Variants in SPECC1 observed in about 807,000 individuals in gnomAD.
SPECC1 encodes the protein sperm antigen with calponin homology and coiled-coil domains 1, also known as cytospin-B.
A neutral mutation model predicts 104.1 loss-of-function variants in SPECC1; 62 were observed. That is an observed-to-expected ratio of 0.60 (90% CI 0.49 to 0.74). The LOEUF is 0.74. Ranked by LOEUF, SPECC1 falls within the 30% of genes least tolerant of loss-of-function variation. The pLI, the probability that SPECC1 is intolerant of heterozygous loss-of-function variation, is 0.00. For missense variants in SPECC1, 1,306 were observed against 1,310.5 expected (o/e 1.00, Z 0.05); for synonymous variants, 513 against 501.6 (o/e 1.02, Z -0.30).
intron 12 of SPECC1, among the ~76,000 whole-genome samples, chr17:20,288,864 A>G (rs1199331731): frequency 7.1e-6 from 1 of 141,344 alleles, no homozygotes; most frequent in East Asian, 2.1e-4. Context: ...GCTAACTGCA[A>G]CCTCCGCCCC....
intron 1 of SPECC1, among the ~76,000 whole-genome samples, chr17:20,082,121 C>T (rs1286094529): frequency 2.0e-5 from 3 of 152,194 alleles, no homozygotes; most frequent in Non-Finnish European, 4.4e-5. Context: ...ACCGTGCTCG[C>T]GCGCTGTGGC....
chr17:20,167,764 A>C (rs925331917), intron 3 of SPECC1, among the ~76,000 whole-genome samples: 6 of 152,212 alleles, frequency 3.9e-5, no homozygotes, highest in Admixed American at 3.9e-4. Flanking sequence ...GAAAAATGTA[A>C]TTTCTGTGCT....
chr17:20,013,559 T>C (rs927602661), intron 1 of SPECC1, among the ~76,000 whole-genome samples: 7 of 152,222 alleles, frequency 4.6e-5, no homozygotes, highest in African/African-American at 1.7e-4. Context: ...TGGAGTGCAG[T>C]GGCACGATCT....
At chr17:20,148,877 G>A (rs1435077309) in intron 3 of SPECC1, among the ~76,000 whole-genome samples, 2 of 152,030 alleles carry the variant, frequency 1.3e-5, no homozygotes, top group East Asian at 1.9e-4. Context: ...CTGCCACTGC[G>A]CCCAGCTATT....
chr17:20,174,739 C>T (rs1319831860), intron 3 of SPECC1, among the ~76,000 whole-genome samples: 1 of 152,034 alleles, frequency 6.6e-6, no homozygotes, highest in Non-Finnish European at 1.5e-5. Flanking sequence ...AGTTTATTCT[C>T]GGGGAGGTGG....
chr17:20,046,728 A>T (rs912522701), intron 1 of SPECC1, among the ~76,000 whole-genome samples: 15 of 151,942 alleles, frequency 9.9e-5, no homozygotes, highest in Non-Finnish European at 2.1e-4. Context: ...TAGGTAAGGG[A>T]GTTAACTCAC....
At chr17:20,218,917 G>A (rs1490982300) in intron 4 of SPECC1, among the ~76,000 whole-genome samples, 1 of 152,036 alleles carries the variant, frequency 6.6e-6, no homozygotes. Context: ...ATCTTTCTAT[G>A]TCTGGCTTAT....
rs186440185 is a variant in SPECC1, at chr17:20,143,130, C to T, written c.283+32568C>T. Among the ~76,000 whole-genome samples, 123 of 150,838 alleles carry T rather than the reference C, an allele frequency of 8.2e-4. 2 individuals carry two copies. The Middle Eastern group carries it at 0.017, about 21-fold the overall frequency. ...AGTTAAAGTACTATCTGAAACACCA[C>T]GTCTTAGAAACAACCAGTGTTTGCC... On this transcript the variant is annotated intron_variant, in intron 3 of 14. Coordinates refer to ENST00000395527, the MANE Select transcript of SPECC1 (RefSeq NM_001243439.2).
intron 3 of SPECC1, among the ~76,000 whole-genome samples, chr17:20,161,683 A>G (rs1279453451): frequency 6.6e-6 from 1 of 152,150 alleles, no homozygotes; most frequent in Non-Finnish European, 1.5e-5. Context: ...ATATGCTTTT[A>G]TCCTGTTACT....
chr17:20,061,358 C>T (rs1197108437), intron 1 of SPECC1, among the ~76,000 whole-genome samples: 1 of 152,226 alleles, frequency 6.6e-6, no homozygotes, highest in Non-Finnish European at 1.5e-5. Context: ...AGGTATGAGC[C>T]ACCATACTTG....
intron 1 of SPECC1, among the ~76,000 whole-genome samples, chr17:20,083,681 G>A (rs575714853): frequency 1.7e-4 from 26 of 152,230 alleles, no homozygotes; most frequent in African/African-American, 6.0e-4. Context: ...TTGCTGTTAC[G>A]AAATCAAGCT....
At chr17:20,284,087 A>T (rs2040864551) in intron 12 of SPECC1, among the ~76,000 whole-genome samples, 1 of 151,800 alleles carries the variant, frequency 6.6e-6, no homozygotes, top group African/African-American at 2.4e-5. Flanking sequence ...TCTTTTTATA[A>T]TGTTATAATT....
intron 1 of SPECC1, among the ~76,000 whole-genome samples, chr17:20,070,789 A>G (rs1276734699): frequency 1.3e-5 from 2 of 151,948 alleles, no homozygotes; most frequent in African/African-American, 2.4e-5. Flanking sequence ...TGTTTGTCTC[A>G]TCTTGTCATT....
At chr17:20,124,604 T>C (rs1350013630) in intron 3 of SPECC1, among the ~76,000 whole-genome samples, 3 of 152,222 alleles carry the variant, frequency 2.0e-5, no homozygotes, top group Admixed American at 6.5e-5. Context: ...AAAAAAAATT[T>C]CAGATTCGGT....
At chr17:20,194,423 A>G (rs1451324596) in intron 3 of SPECC1, among the ~76,000 whole-genome samples, 1 of 152,084 alleles carries the variant, frequency 6.6e-6, no homozygotes, top group Non-Finnish European at 1.5e-5. Context: ...AATTCCTTAA[A>G]GGAAAACACA....
At chr17:20,164,784 G>C (rs1286702126) in intron 3 of SPECC1, among the ~76,000 whole-genome samples, 2 of 152,132 alleles carry the variant, frequency 1.3e-5, no homozygotes, top group Non-Finnish European at 2.9e-5. Context: ...AGAAAGAGGT[G>C]TCATAATACT....
intron 4 of SPECC1, among the ~76,000 whole-genome samples, chr17:20,218,212 T>C (rs2037631527): frequency 6.6e-6 from 1 of 152,198 alleles, no homozygotes. Flanking sequence ...AGAATGACTT[T>C]CATTGACTTT....
At chr17:20,211,050 A>G (rs1282964757) in intron 4 of SPECC1, among the ~76,000 whole-genome samples, 3 of 152,158 alleles carry the variant, frequency 2.0e-5, no homozygotes, top group Non-Finnish European at 4.4e-5. Flanking sequence ...AGTAAATGAC[A>G]TTATTGTCAC....
chr17:20,144,175 CTTTTT>C (rs1168474738), intron 3 of SPECC1, among the ~76,000 whole-genome samples: 8 of 94,372 alleles, frequency 8.5e-5, no homozygotes, highest in Non-Finnish European at 9.8e-5. Flanking sequence ...TTTTTCTTTT[CTTTTT>C]TTTTTTTTTT....
Sources: gnomAD v4.1 joint callset for allele counts (sites outside exome capture counted in the v4.1 genomes callset) on GRCh38, gnomAD v4.1.1 for gene constraint, MANE v1.5 for transcripts, NCBI Gene and HGNC (gene_info 2026-07-23, HGNC 2026-07-21) for gene names.